Variants in DACH1 observed in about 807,000 individuals in gnomAD.
The protein encoded by DACH1 is dachshund family transcription factor 1.
DACH1 carries 12 observed loss-of-function variants against 54.2 expected under a neutral mutation model. That is an observed-to-expected ratio of 0.22 (90% confidence interval 0.14 to 0.36). DACH1 has a LOEUF of 0.36. Ranked by LOEUF, DACH1 falls within the 10% of genes least tolerant of loss-of-function variation. The pLI is 1.00. For synonymous variants in DACH1, 386 were observed against 366.2 expected (o/e 1.05, Z -0.62); for missense variants, 805 against 929.8 (o/e 0.87, Z 1.75).
intron 1 of DACH1, among the ~76,000 whole-genome samples, chr13:71,687,918 C>T (rs1469700152): frequency 6.6e-6 from 1 of 152,178 alleles, no homozygotes; most frequent in Admixed American, 6.5e-5. Flanking sequence ...ATAAAACAAA[C>T]TTTTAAAACT....
chr13:71,770,626 T>A (rs904320307), intron 1 of DACH1, among the ~76,000 whole-genome samples: 1 of 151,594 alleles, frequency 6.6e-6, no homozygotes, highest in Non-Finnish European at 1.5e-5. Context: ...TATAAGAAAA[T>A]TATGTGTACC....
intron 1 of DACH1, among the ~76,000 whole-genome samples, chr13:71,811,080 A>G (rs1566515207): frequency 1.3e-5 from 2 of 152,110 alleles, no homozygotes; most frequent in Non-Finnish European, 2.9e-5. Flanking sequence ...CTTCCATACT[A>G]ATTCACCAGT....
intron 6 of DACH1, among the ~76,000 whole-genome samples, chr13:71,504,611 C>A (rs1456099929): frequency 6.6e-6 from 1 of 152,100 alleles, no homozygotes; most frequent in Non-Finnish European, 1.5e-5. Context: ...TGAAGTCTTG[C>A]AGACCTGATC....
intron 6 of DACH1, among the ~76,000 whole-genome samples, chr13:71,493,746 A>T (rs1162907004): frequency 6.6e-6 from 1 of 152,126 alleles, no homozygotes; most frequent in Non-Finnish European, 1.5e-5. Flanking sequence ...ACTTTTTATA[A>T]AAATTTATAA....
At chr13:71,734,944 C>CACACACACAGGATATATATATATAT (rs1262584904) in intron 1 of DACH1, among the ~76,000 whole-genome samples, 1 of 148,092 alleles carries the variant, frequency 6.8e-6, no homozygotes, top group Non-Finnish European at 1.5e-5. Flanking sequence ...TATATAAACA[C>CACACACACAGGATATATATATATAT]ACACACACAG....
intron 2 of DACH1, among the ~76,000 whole-genome samples, chr13:71,646,810 G>T (rs1428471014): frequency 1.3e-5 from 2 of 152,170 alleles, no homozygotes; most frequent in Non-Finnish European, 2.9e-5. Flanking sequence ...TTATAAGTCT[G>T]CATTTGCAGC....
intron 10 of DACH1, among the ~76,000 whole-genome samples, chr13:71,461,687 A>C (rs551257258): frequency 6.6e-6 from 1 of 152,042 alleles, no homozygotes; most frequent in South Asian, 2.1e-4. Flanking sequence ...TTTCTCTCCA[A>C]ATCACTATCC....
intron 1 of DACH1, among the ~76,000 whole-genome samples, chr13:71,778,409 C>T (rs1594209013): frequency 2.0e-5 from 3 of 152,032 alleles, no homozygotes; most frequent in Admixed American, 2.0e-4. Context: ...GGAATAAACT[C>T]CCTGATTTCT....
chr13:71,717,504 T>TCACACA (rs3221998), intron 1 of DACH1, among the ~76,000 whole-genome samples: 3,009 of 142,832 alleles, frequency 0.021, 51 homozygotes, highest in African/African-American at 0.046. Flanking sequence ...GTGTGTGTAA[T>TCACACA]CACACACACA....
At chr13:71,550,532 A>ATTATAGTC (rs1181425173) in intron 6 of DACH1, among the ~76,000 whole-genome samples, 3 of 152,158 alleles carry the variant, frequency 2.0e-5, no homozygotes, top group Non-Finnish European at 4.4e-5. Context: ...GTAAATAAAT[A>ATTATAGTC]TTATAGTCTA....
intron 6 of DACH1, among the ~76,000 whole-genome samples, chr13:71,536,385 A>T (rs752408249): frequency 6.6e-6 from 1 of 152,078 alleles, no homozygotes; most frequent in Admixed American, 6.6e-5. Flanking sequence ...ATCTAGTGAA[A>T]GTTCTTGACA....
chr13:71,660,281 T>A (rs7992657), intron 2 of DACH1, among the ~76,000 whole-genome samples: 12,647 of 152,122 alleles, frequency 0.083, 1,405 homozygotes, highest in African/African-American at 0.26. Flanking sequence ...ATGCCTGACT[T>A]ATATTAAATC....
intron 1 of DACH1, among the ~76,000 whole-genome samples, chr13:71,779,210 TA>T: frequency 9.6e-6 from 1 of 104,554 alleles, no homozygotes; most frequent in African/African-American, 4.9e-5. Context: ...TATATGTGTA[TA>T]TATATACGTA....
chr13:71,755,751 T>C (rs966605704), intron 1 of DACH1, among the ~76,000 whole-genome samples: 3 of 152,202 alleles, frequency 2.0e-5, no homozygotes, highest in Non-Finnish European at 2.9e-5. Flanking sequence ...TATAATGTCT[T>C]CAAACTAAAT....
Position 71,642,057 on chromosome 13 carries a change from C to T in DACH1, c.965-11340G>A, listed in dbSNP as rs1158773706. Among the ~76,000 whole-genome samples, 4 of 152,232 alleles carry T rather than the reference C, an allele frequency of 2.6e-5. No homozygotes were observed. In the East Asian group the frequency reaches 7.7e-4, roughly 29 times the overall value. On this transcript the variant is annotated intron_variant, in intron 2 of 10. Coordinates refer to ENST00000613252, the MANE Select transcript of DACH1 (RefSeq NM_080759.6). The stretch of plus-strand genomic sequence containing the variant: ...AATGTGAACCTTTTGTGTATTCTGA[C>T]AGGAACTTTTACTTTGTTTCAAAAC...
At chr13:71,849,720 G>C (rs1873537620) in intron 1 of DACH1, among the ~76,000 whole-genome samples, 1 of 152,150 alleles carries the variant, frequency 6.6e-6, no homozygotes, top group Non-Finnish European at 1.5e-5. Context: ...AGAGGCCACT[G>C]TACTAGAGAC....
intron 1 of DACH1, among the ~76,000 whole-genome samples, chr13:71,841,254 T>G (rs1872820997): frequency 6.6e-6 from 1 of 152,190 alleles, no homozygotes; most frequent in Non-Finnish European, 1.5e-5. Flanking sequence ...ATATGTGCTG[T>G]GAGGCAACTC....
chr13:71,527,181 G>A lies in DACH1; in HGVS notation c.1570+29843C>T, dbSNP rs1476411. ...TCAATTATTTAAATTAGTAAATAAT[G>A]ATTAAATTATTAATTTAATTTAAAT... is the stretch of plus-strand genomic sequence containing the variant. On this transcript the variant is annotated intron_variant, in intron 6 of 10. Coordinates refer to ENST00000613252, the MANE Select transcript of DACH1 (RefSeq NM_080759.6). Among the ~76,000 whole-genome samples, 1,218 of 151,562 alleles carry A rather than the reference G, an allele frequency of 8.0e-3. 21 individuals carry two copies. Among genetic ancestry groups the A allele is most frequent in the African/African-American group, 0.027 (1,129 of 41,416 alleles).
At chr13:71,821,191 C>A (rs1409992598) in intron 1 of DACH1, among the ~76,000 whole-genome samples, 2 of 152,140 alleles carry the variant, frequency 1.3e-5, no homozygotes, top group African/African-American at 4.8e-5. Flanking sequence ...TAGGTGAATC[C>A]TCTTACATGG....
Sources: gnomAD v4.1 joint callset for allele counts (sites outside exome capture counted in the v4.1 genomes callset) on GRCh38, gnomAD v4.1.1 for gene constraint, MANE v1.5 for transcripts, NCBI Gene and HGNC (gene_info 2026-07-23, HGNC 2026-07-21) for gene names.